Variants in OPRM1 observed in about 807,000 individuals in gnomAD.
OPRM1 encodes the protein opioid receptor mu 1, also known as mu-type opioid receptor.
A neutral mutation model predicts 31.8 loss-of-function variants in OPRM1; 27 were observed. That is an observed-to-expected ratio of 0.85 (90% CI 0.63 to 1.17). OPRM1 has a LOEUF of 1.17. Among genes scored for constraint, OPRM1 ranks in the 50% most tolerant of loss-of-function variants. OPRM1 has a pLI of 0.00. For synonymous variants in OPRM1, 196 were observed against 189.9 expected, an observed-to-expected ratio of 1.03 and a Z score of -0.26; for missense variants, 536 against 511.1, an observed-to-expected ratio of 1.05 and a Z score of -0.47.
intron 1 of OPRM1, among the ~76,000 whole-genome samples, chr6:154,081,428 C>T (rs1321114396): frequency 2.0e-5 from 3 of 152,118 alleles, no homozygotes; most frequent in African/African-American, 7.2e-5. Flanking sequence ...ATGGCGTGAA[C>T]CCGGGAGGCG....
chr6:154,102,156 C>A (rs1794931169), intron 3 of OPRM1, among the ~76,000 whole-genome samples: 1 of 152,054 alleles, frequency 6.6e-6, no homozygotes, highest in Admixed American at 6.5e-5. Context: ...CGAGCCTGGT[C>A]TTAAACTCCT....
intron 1 of OPRM1, among the ~76,000 whole-genome samples, chr6:154,045,556 C>T (rs960974328): frequency 6.6e-6 from 1 of 152,212 alleles, no homozygotes; most frequent in South Asian, 2.1e-4. Context: ...ATTTCTAGGG[C>T]TCCACCAGGC....
chr6:154,221,806 A>G (rs1273353089), intron 3 of OPRM1, among the ~76,000 whole-genome samples: 1 of 152,158 alleles, frequency 6.6e-6, no homozygotes, highest in Non-Finnish European at 1.5e-5. Flanking sequence ...CCTGGGAGGC[A>G]GAGCTTGCAG....
At chr6:154,205,855 T>C (rs184424967) in intron 3 of OPRM1, among the ~76,000 whole-genome samples, 62 of 151,996 alleles carry the variant, frequency 4.1e-4, no homozygotes, top group Non-Finnish European at 7.4e-5. Context: ...AAGTTTTGTA[T>C]CTCCATGCTT....
intron 3 of OPRM1, among the ~76,000 whole-genome samples, chr6:154,242,759 C>T (rs933515207): frequency 1.3e-5 from 2 of 151,988 alleles, no homozygotes; most frequent in South Asian, 2.1e-4. Context: ...TGGTGGCGCA[C>T]ACCTGTAATC....
chr6:154,096,005 C>T (rs1050475250), intron 3 of OPRM1, among the ~76,000 whole-genome samples: 7 of 152,072 alleles, frequency 4.6e-5, no homozygotes, highest in African/African-American at 1.4e-4. Flanking sequence ...GGTTTCCACC[C>T]GCATCATATT....
At chr6:154,209,432 C>T (rs1204004644) in intron 3 of OPRM1, among the ~76,000 whole-genome samples, 2 of 152,028 alleles carry the variant, frequency 1.3e-5, no homozygotes, top group Non-Finnish European at 2.9e-5. Context: ...GAGTGCATCA[C>T]TTGAGCTCAG....
intron 3 of OPRM1, among the ~76,000 whole-genome samples, chr6:154,163,816 C>G (rs1799214851): frequency 6.6e-6 from 1 of 151,740 alleles, no homozygotes. Context: ...ATTCATAGAT[C>G]AATAGCTGGA....
chr6:154,160,050 T>A, intron 3 of OPRM1: 2 of 1,595,756 alleles, frequency 1.3e-6, no homozygotes, highest in Non-Finnish European at 1.7e-6. Context: ...ACTGTGTGAG[T>A]AGAAAAAAAG....
chr6:154,194,393 CT>C (rs112975873), intron 3 of OPRM1, among the ~76,000 whole-genome samples: 4,214 of 152,288 alleles, frequency 0.028, 200 homozygotes, highest in African/African-American at 0.096. Flanking sequence ...GAGTGAAACT[CT>C]GTCTCAAATA....
At chr6:154,211,027 G>A (rs1264253275) in intron 3 of OPRM1, among the ~76,000 whole-genome samples, 1 of 152,146 alleles carries the variant, frequency 6.6e-6, no homozygotes, top group East Asian at 1.9e-4. Context: ...CAGAAATTCT[G>A]GCAGAAAAGG....
chr6:154,020,314 T>C (rs990344939), intron 1 of OPRM1, among the ~76,000 whole-genome samples: 1 of 152,158 alleles, frequency 6.6e-6, no homozygotes, highest in East Asian at 1.9e-4. Flanking sequence ...TTTAGTTTTT[T>C]AAGAAATTGT....
At chr6:154,234,965 A>G (rs1463466760) in intron 3 of OPRM1, among the ~76,000 whole-genome samples, 1 of 152,230 alleles carries the variant, frequency 6.6e-6, no homozygotes, top group Non-Finnish European at 1.5e-5. Context: ...GGAAGCTTTA[A>G]AACCCCAAAT....
chr6:154,108,183 A>G lies in OPRM1; in HGVS notation c.1165-10500A>G, dbSNP rs1252424257. On this transcript the variant is annotated intron_variant, in intron 3 of 3. Transcript: ENST00000330432. ...GAAATTTTTTTTTTTCATTCTGGCCAGAGCAAAACACATGTGATAAAACAT... is the reference window on the plus strand; with the variant it reads ...GAAATTTTTTTTTTTCATTCTGGCCGGAGCAAAACACATGTGATAAAACAT... The G allele has an allele frequency of 1.3e-5, 6 of 468,566 alleles. No individual in the cohort carries two copies. In the East Asian group the frequency reaches 2.0e-4, roughly 16 times the overall value. 29.0% of individuals were successfully genotyped at this position (468,566 alleles called of 1,614,324 possible). A position where few individuals can be genotyped will look rare whatever the true frequency, so the allele number is the denominator to read the frequency against.
chr6:154,040,920 G>C (rs1046976835), intron 1 of OPRM1, among the ~76,000 whole-genome samples: 2 of 151,594 alleles, frequency 1.3e-5, no homozygotes, highest in Non-Finnish European at 2.9e-5. Context: ...ATCTGTTTTT[G>C]TTAAAGAAGA....
At position 154,104,667 on chromosome 6, in the gene OPRM1, T is replaced by C. The variant is rs531874940; in HGVS notation, c.1164+13195T>C. Among the ~76,000 whole-genome samples, 210 of 152,364 alleles carry C rather than the reference T, an allele frequency of 1.4e-3. 1 individual carries two copies. Among genetic ancestry groups the C allele is most frequent in the Middle Eastern group, 3.4e-3 (1 of 294 alleles). On this transcript the variant is annotated intron_variant, in intron 3 of 3. Transcript: ENST00000330432. ...ATATTTCTCTCTCTAGTTTCCCATT[T>C]TTACTAAAGACAAATCATGGTAAGG...
chr6:154,180,410 A>ATT (rs1203931756), intron 3 of OPRM1, among the ~76,000 whole-genome samples: 2,977 of 40,298 alleles, frequency 0.074, 72 homozygotes, highest in East Asian at 0.4. Context: ...ATATATATAT[A>ATT]TATATTTTTT....
rs546504007 is a variant in OPRM1 at position 154,124,777 on chromosome 6, G to A, written c.*6056G>A. On this transcript the variant is annotated 3_prime_UTR_variant, in exon 4 of 4. Transcript: ENST00000330432. The stretch of plus-strand genomic sequence containing the variant: ...AAGAATCAAGTAGAAATGATAAAGG[G>A]CAAGGAAAAAAGATGAAAGCTTACT... 6.6e-6 allele frequency among the ~76,000 whole-genome samples: 1 copy of A among 152,256 alleles called. No individual in the cohort carries two copies. The highest frequency in any genetic ancestry group is 2.1e-4 in the South Asian group (1 of 4,820).
At chr6:154,054,556 G>T (rs1782853278) in intron 1 of OPRM1, among the ~76,000 whole-genome samples, 1 of 152,108 alleles carries the variant, frequency 6.6e-6, no homozygotes, top group Admixed American at 6.5e-5. Flanking sequence ...TCCTGTTTGT[G>T]AAAAATATTT....
Sources: gnomAD v4.1 joint callset for allele counts (sites outside exome capture counted in the v4.1 genomes callset) on GRCh38, gnomAD v4.1.1 for gene constraint, MANE v1.5 for transcripts, NCBI Gene and HGNC (gene_info 2026-07-23, HGNC 2026-07-21) for gene names.